Variants in PRUNE2 observed in about 807,000 individuals in gnomAD.
PRUNE2 encodes prune homolog 2 with BCH domain.
In PRUNE2, 164 loss-of-function variants were observed where a neutral mutation model predicts 252.0. The ratio of observed to expected loss-of-function variants is 0.65; its 90% confidence interval spans 0.57 to 0.74. The LOEUF (loss-of-function observed/expected upper bound fraction) is 0.74, where lower values mean the gene tolerates loss of function less well. Ranked by LOEUF, PRUNE2 falls within the 30% of genes least tolerant of loss-of-function variation. The pLI, the probability that PRUNE2 is intolerant of heterozygous loss-of-function variation, is 0.00. For missense variants in PRUNE2, 3,495 were observed against 3,711.0 expected (o/e 0.94, Z 1.51); for synonymous variants, 1,292 against 1,350.2 (o/e 0.96, Z 0.94).
chr9:76,840,802 G>A (rs1189889160), intron 4 of PRUNE2, among the ~76,000 whole-genome samples: 6 of 152,078 alleles, frequency 3.9e-5, no homozygotes, highest in Non-Finnish European at 7.4e-5. Flanking sequence ...CCAACATGGC[G>A]AAACCCAGTC....
chr9:76,676,138 C>T (rs1217769314), intron 9 of PRUNE2, among the ~76,000 whole-genome samples: 2 of 150,278 alleles, frequency 1.3e-5, no homozygotes, highest in Non-Finnish European at 3.0e-5. Context: ...TAACAGTTGA[C>T]AAGAAACAGA....
Position 76,854,276 on chromosome 9 carries a change from A to C in PRUNE2, c.37-68T>G, listed in dbSNP as rs116070151. The C allele has an allele frequency of 4.0e-3, 3,340 of 825,616 alleles. 82 individuals are homozygous for C. In the African/African-American group the frequency reaches 0.05, roughly 12 times the overall value. The allele number at this position is 825,616 out of a possible 1,614,324, so 51.1% of individuals were successfully genotyped here. On this transcript the variant is annotated intron_variant, in intron 1 of 18. Coordinates refer to ENST00000376718, the MANE Select transcript of PRUNE2 (RefSeq NM_015225.3). ...AGATTAATATAAACATATTTTTAAT[A>C]TTTTAAAAAAGTATGCCTTATCCAT...
chr9:76,837,626 C>CA (rs139787755), intron 4 of PRUNE2, among the ~76,000 whole-genome samples: 19 of 149,522 alleles, frequency 1.3e-4, no homozygotes, highest in South Asian at 4.2e-4. Flanking sequence ...AAGACTGATA[C>CA]AAAAAAAAAT....
chr9:76,866,880 G>A (rs1192616400), intron 1 of PRUNE2, among the ~76,000 whole-genome samples: 1 of 151,986 alleles, frequency 6.6e-6, no homozygotes, highest in East Asian at 1.9e-4. Flanking sequence ...AGGGAGGGAG[G>A]AGGGAGGGAA....
intron 9 of PRUNE2, among the ~76,000 whole-genome samples, chr9:76,702,997 G>C (rs2046014312): frequency 1.3e-5 from 2 of 152,120 alleles, no homozygotes; most frequent in South Asian, 2.1e-4. Flanking sequence ...AAACTGCCTT[G>C]CACATAGTAG....
At chr9:76,714,684 C>T (rs760024684) in intron 6 of PRUNE2, among the ~76,000 whole-genome samples, 25 of 152,196 alleles carry the variant, frequency 1.6e-4, no homozygotes, top group Non-Finnish European at 2.8e-4. Context: ...GGCGTAAGAC[C>T]GCACCCGGTC....
At chr9:76,806,941 G>A (rs2056985757) in intron 6 of PRUNE2, among the ~76,000 whole-genome samples, 1 of 152,014 alleles carries the variant, frequency 6.6e-6, no homozygotes, top group Non-Finnish European at 1.5e-5. Flanking sequence ...GTAACTGGTG[G>A]AGGATCAGAA....
chr9:76,833,735 A>C (rs1394102531), intron 4 of PRUNE2, among the ~76,000 whole-genome samples: 1 of 151,124 alleles, frequency 6.6e-6, no homozygotes, highest in Non-Finnish European at 1.5e-5. Flanking sequence ...ACTGCACTCC[A>C]GCCTGGGCGA....
intron 6 of PRUNE2, among the ~76,000 whole-genome samples, chr9:76,769,616 G>A (rs1192494834): frequency 1.3e-5 from 2 of 152,242 alleles, no homozygotes; most frequent in East Asian, 1.9e-4. Flanking sequence ...GTAGAGATGG[G>A]GTTTCTCCAT....
At chr9:76,803,196 G>T (rs1340241884) in intron 6 of PRUNE2, among the ~76,000 whole-genome samples, 2 of 152,152 alleles carry the variant, frequency 1.3e-5, no homozygotes, top group African/African-American at 4.8e-5. Flanking sequence ...GTGATATCAT[G>T]GTCTCACACA....
At chr9:76,653,985 T>C (rs911550879) in intron 10 of PRUNE2, among the ~76,000 whole-genome samples, 1 of 152,106 alleles carries the variant, frequency 6.6e-6, no homozygotes, top group African/African-American at 2.4e-5. Context: ...TAATAAGAAA[T>C]GTATTTGGTC....
chr9:76,763,376 G>T (rs2051949953), intron 6 of PRUNE2, among the ~76,000 whole-genome samples: 1 of 152,200 alleles, frequency 6.6e-6, no homozygotes, highest in Non-Finnish European at 1.5e-5. Flanking sequence ...AGGCTTTGCA[G>T]TAAGTGTAGT....
chr9:76,691,790 T>C (rs2044760455), intron 9 of PRUNE2, among the ~76,000 whole-genome samples: 1 of 152,142 alleles, frequency 6.6e-6, no homozygotes, highest in Non-Finnish European at 1.5e-5. Flanking sequence ...AACAAAATGA[T>C]TACAGCTGTG....
intron 10 of PRUNE2, among the ~76,000 whole-genome samples, chr9:76,654,638 A>G (rs953313574): frequency 2.6e-5 from 4 of 152,242 alleles, no homozygotes; most frequent in African/African-American, 9.6e-5. Context: ...TCAGATAACC[A>G]TAGCCTTAGT....
At chr9:76,900,650 G>A (rs1206300102) in intron 1 of PRUNE2, among the ~76,000 whole-genome samples, 1 of 152,066 alleles carries the variant, frequency 6.6e-6, no homozygotes, top group Non-Finnish European at 1.5e-5. Context: ...TCAAACTCCA[G>A]GACTCTCCCA....
intron 18 of PRUNE2, among the ~76,000 whole-genome samples, chr9:76,616,667 T>G (rs1829852845): frequency 6.6e-6 from 1 of 152,194 alleles, no homozygotes; most frequent in African/African-American, 2.4e-5. Context: ...GGAACCTGTT[T>G]ACCCAGTTTA....
intron 5 of PRUNE2, among the ~76,000 whole-genome samples, chr9:76,824,643 G>A (rs73462310): frequency 0.14 from 20,987 of 151,956 alleles, 1,464 homozygotes; most frequent in East Asian, 0.17. Context: ...TTTAATTCTC[G>A]CGCTACATTA....
intron 9 of PRUNE2, among the ~76,000 whole-genome samples, chr9:76,695,775 TC>T (rs2045325179): frequency 1.3e-5 from 2 of 152,154 alleles, no homozygotes; most frequent in South Asian, 4.1e-4. Flanking sequence ...CAGGTGCTAT[TC>T]TAAGCAACAG....
At chr9:76,699,674 G>T (rs886986922) in intron 9 of PRUNE2, among the ~76,000 whole-genome samples, 1 of 152,076 alleles carries the variant, frequency 6.6e-6, no homozygotes, top group Non-Finnish European at 1.5e-5. Flanking sequence ...CCCCATAATC[G>T]CATGAGCCAA....
Sources: gnomAD v4.1 joint callset for allele counts (sites outside exome capture counted in the v4.1 genomes callset) on GRCh38, gnomAD v4.1.1 for gene constraint, MANE v1.5 for transcripts, NCBI Gene and HGNC (gene_info 2026-07-23, HGNC 2026-07-21) for gene names.